Variants in TBC1D22A observed in about 807,000 individuals in gnomAD.
The protein encoded by TBC1D22A is putative GTPase activator.
Under a neutral mutation model 60.2 loss-of-function variants are expected in TBC1D22A, and 38 were observed. That is an observed-to-expected ratio of 0.63 (90% CI 0.49 to 0.83). TBC1D22A has a LOEUF of 0.83. Ranked by LOEUF, TBC1D22A falls within the 40% of genes least tolerant of loss-of-function variation. TBC1D22A has a pLI of 0.00. For synonymous variants in TBC1D22A, 302 were observed against 281.7 expected (o/e 1.07, Z -0.72); for missense variants, 628 against 701.0 (o/e 0.90, Z 1.18).
intron 3 of TBC1D22A, among the ~76,000 whole-genome samples, chr22:46,794,542 G>A (rs1046069273): frequency 4.6e-5 from 7 of 152,204 alleles, no homozygotes; most frequent in South Asian, 2.1e-4. Context: ...ACTGTGGGCC[G>A]CGGGTACTGT....
chr22:47,133,965 C>G (rs1016077155), intron 12 of TBC1D22A, among the ~76,000 whole-genome samples: 8 of 152,226 alleles, frequency 5.3e-5, no homozygotes, highest in African/African-American at 1.9e-4. Flanking sequence ...AACCTCAGGA[C>G]TTAATACCCT....
intron 11 of TBC1D22A, 57 bp downstream of exon 11, chr22:47,037,255 T>C: frequency 6.2e-7 from 1 of 1,601,546 alleles, no homozygotes; most frequent in Non-Finnish European, 8.5e-7. Context: ...GGCCGTTTCC[T>C]GTCGCCTTCT....
intron 4 of TBC1D22A, among the ~76,000 whole-genome samples, chr22:46,799,058 A>G (rs1047445364): frequency 1.3e-5 from 2 of 152,052 alleles, no homozygotes; most frequent in African/African-American, 2.4e-5. Context: ...TGAAACAGCA[A>G]CACTTGCATG....
intron 12 of TBC1D22A, among the ~76,000 whole-genome samples, chr22:47,146,467 G>A (rs902548812): frequency 6.6e-6 from 1 of 152,190 alleles, no homozygotes; most frequent in South Asian, 2.1e-4. Flanking sequence ...GCCCAGACCC[G>A]TGGCTCCTTT....
At chr22:46,944,445 C>A (rs546609553) in intron 8 of TBC1D22A, among the ~76,000 whole-genome samples, 6 of 152,302 alleles carry the variant, frequency 3.9e-5, no homozygotes, top group African/African-American at 9.6e-5. Context: ...GTCTCCCAGG[C>A]TGGAGTGCAG....
At chr22:46,765,968 T>A (rs2083269912) in intron 1 of TBC1D22A, among the ~76,000 whole-genome samples, 1 of 113,968 alleles carries the variant, frequency 8.8e-6, no homozygotes, top group Non-Finnish European at 1.7e-5. Context: ...TGTGTGTGTG[T>A]GTGTGTGTGT....
At chr22:47,084,142 A>G (rs930067466) in intron 11 of TBC1D22A, among the ~76,000 whole-genome samples, 2 of 152,216 alleles carry the variant, frequency 1.3e-5, no homozygotes, top group Admixed American at 1.3e-4. Flanking sequence ...CCTGTCTAGT[A>G]TGGTGGCCAT....
At chr22:46,792,333 C>G (rs371786735) in intron 1 of TBC1D22A, among the ~76,000 whole-genome samples, 187 bp from the exon 2 acceptor site, 3 of 152,036 alleles carry the variant, frequency 2.0e-5, no homozygotes, top group African/African-American at 7.2e-5. Flanking sequence ...TTGTATGGTG[C>G]CACTCATCCC....
intron 11 of TBC1D22A, among the ~76,000 whole-genome samples, chr22:47,041,667 TC>T (rs2062848177): frequency 6.6e-6 from 1 of 152,234 alleles, no homozygotes; most frequent in Non-Finnish European, 1.5e-5. Context: ...TAGCTGTGCA[TC>T]CCTGGGCGAG....
intron 11 of TBC1D22A, among the ~76,000 whole-genome samples, chr22:47,060,000 C>G (rs1346257710): frequency 1.3e-5 from 2 of 152,120 alleles, no homozygotes; most frequent in Admixed American, 1.3e-4. Flanking sequence ...AGGGAACTGC[C>G]CATGACATGG....
chr22:47,075,650 A>T (rs949977593), intron 11 of TBC1D22A, among the ~76,000 whole-genome samples: 1 of 152,258 alleles, frequency 6.6e-6, no homozygotes, highest in Non-Finnish European at 1.5e-5. Flanking sequence ...AAATATTTTT[A>T]AAAAGCAGTA....
chr22:47,118,518 T>A (rs1278956397), intron 12 of TBC1D22A, among the ~76,000 whole-genome samples: 1 of 152,204 alleles, frequency 6.6e-6, no homozygotes, highest in Non-Finnish European at 1.5e-5. Flanking sequence ...ATGCAATGCT[T>A]TTATTAATTA....
At chr22:46,815,096 A>G (rs367677904) in intron 4 of TBC1D22A, among the ~76,000 whole-genome samples, 10 of 152,286 alleles carry the variant, frequency 6.6e-5, no homozygotes, top group African/African-American at 2.2e-4. Context: ...AAGACATTCT[A>G]TTATTTGGGT....
At chr22:46,817,112 A>T (rs801472) in intron 4 of TBC1D22A, among the ~76,000 whole-genome samples, 3,188 of 152,198 alleles carry the variant, frequency 0.021, 112 homozygotes, top group African/African-American at 0.071. Context: ...ATCTCAAGAG[A>T]GTGGCTTAAA....
At chr22:47,074,049 A>G (rs1040469158) in intron 11 of TBC1D22A, among the ~76,000 whole-genome samples, 48 of 152,200 alleles carry the variant, frequency 3.2e-4, no homozygotes, top group Admixed American at 4.6e-4. Context: ...TTGAGGCTGC[A>G]GTGAGCTATG....
chr22:46,828,992 T>G (rs938759567), intron 4 of TBC1D22A, among the ~76,000 whole-genome samples: 2 of 152,190 alleles, frequency 1.3e-5, no homozygotes, highest in African/African-American at 4.8e-5. Context: ...AACAAAGTCC[T>G]TAAGGTCACA....
chr22:46,886,673 G>A (rs2068136103), intron 5 of TBC1D22A, among the ~76,000 whole-genome samples: 1 of 152,228 alleles, frequency 6.6e-6, no homozygotes, highest in Non-Finnish European at 1.5e-5. Context: ...ACAAATTGGG[G>A]AAAGGTGACA....
chr22:46,982,611 G>T (rs2074558300), intron 9 of TBC1D22A, among the ~76,000 whole-genome samples: 1 of 152,208 alleles, frequency 6.6e-6, no homozygotes, highest in Admixed American at 6.5e-5. Flanking sequence ...TAGGGGAGAT[G>T]GTCTGTCCAG....
chr22:47,011,510 C>T (rs1602985675), intron 10 of TBC1D22A, among the ~76,000 whole-genome samples: 1 of 152,206 alleles, frequency 6.6e-6, no homozygotes, highest in Admixed American at 6.5e-5. Flanking sequence ...TCCCCATAAC[C>T]AATGCCCAGT....
Sources: allele counts gnomAD v4.1 joint callset (sites outside exome capture counted in the v4.1 genomes callset), GRCh38; gene constraint gnomAD v4.1.1; transcripts MANE v1.5; gene names NCBI Gene and HGNC (gene_info 2026-07-23, HGNC 2026-07-21).